DOCK10: variants seen among roughly 807,000 people sequenced by gnomAD.
DOCK10 encodes dedicator of cytokinesis 10.
Under a neutral mutation model 280.1 loss-of-function variants are expected in DOCK10, and 145 were observed. That is an observed-to-expected ratio of 0.52 (90% CI 0.45 to 0.59). The LOEUF (loss-of-function observed/expected upper bound fraction) is 0.59. Ranked by LOEUF, DOCK10 falls within the 20% of genes least tolerant of loss-of-function variation. The pLI is 0.00. For synonymous variants in DOCK10, 915 were observed against 942.2 expected (o/e 0.97, Z 0.53); for missense variants, 2,368 against 2,651.7 (o/e 0.89, Z 2.35).
chr2:224,868,876 C>T (rs1698091551), intron 11 of DOCK10, among the ~76,000 whole-genome samples: 1 of 152,068 alleles, frequency 6.6e-6, no homozygotes, highest in South Asian at 2.1e-4. Context: ...ACTCAAAACA[C>T]ATTGAAGGTC....
intron 3 of DOCK10, among the ~76,000 whole-genome samples, chr2:224,910,976 C>CTCTT (rs1553611360): frequency 0.013 from 1,915 of 149,198 alleles, 35 homozygotes; most frequent in African/African-American, 0.041. Context: ...TTCTCTCTCC[C>CTCTT]TTTTTTTTTT....
intron 1 of DOCK10, among the ~76,000 whole-genome samples, chr2:225,013,621 G>A (rs1689505490): frequency 1.3e-5 from 2 of 152,158 alleles, no homozygotes; most frequent in Non-Finnish European, 2.9e-5. Flanking sequence ...GCATTCCCTA[G>A]ATAATAACCT....
intron 1 of DOCK10, among the ~76,000 whole-genome samples, chr2:225,005,889 AAAT>A (rs922636199): frequency 6.6e-6 from 1 of 152,190 alleles, no homozygotes; most frequent in Non-Finnish European, 1.5e-5. Context: ...AAACCACCCA[AAAT>A]AATTTAGAGA....
Position 224,799,198 on chromosome 2 carries a change from A to G in DOCK10, c.4506+953T>C, listed in dbSNP as rs759970422. ...CCTTCCTCCACATCCCTAGGCAACC[A>G]CTGATCTGCTTTTTGTTCCTATAGT... On this transcript the variant is annotated intron_variant, in intron 41 of 55. Transcript: ENST00000258390. 3.1e-4 allele frequency among the ~76,000 whole-genome samples: 47 copies of G among 152,156 alleles called. 1 individual carries two copies. Among genetic ancestry groups the G allele is most frequent in the Admixed American group, 9.8e-4 (15 of 15,278 alleles).
chr2:224,804,288 A>G, intron 38 of DOCK10, 75 bp from the exon 39 acceptor site: 1 of 780,384 alleles, frequency 1.3e-6, no homozygotes, highest in Admixed American at 2.3e-5. Flanking sequence ...GCAACTGACA[A>G]AACGATTACT....
chr2:225,022,016 C>T (rs867440382), intron 1 of DOCK10, among the ~76,000 whole-genome samples: 1 of 152,068 alleles, frequency 6.6e-6, no homozygotes, highest in African/African-American at 2.4e-5. Context: ...TAGTAGGTGG[C>T]AAAAGAACAT....
intron 1 of DOCK10, among the ~76,000 whole-genome samples, chr2:225,017,372 T>C (rs1453788853): frequency 3.4e-5 from 5 of 147,228 alleles, no homozygotes; most frequent in Non-Finnish European, 4.5e-5. Flanking sequence ...AGGAGAGAAA[T>C]AGAAATAAAA....
rs185462460 is a variant in DOCK10, at chr2:224,804,586, C to T, written c.4166+208G>A. Among the ~76,000 whole-genome samples the T allele has an allele frequency of 2.6e-5, 4 of 151,570 alleles. No homozygotes were observed. In the East Asian group the frequency reaches 5.9e-4, roughly 22 times the overall value. On this transcript the variant is annotated intron_variant, in intron 38 of 55. Transcript: ENST00000258390. ...CAAAAATTTGTGTTTTTGTGCTTTT[C>T]TCCCTAGACAACATGAACTATTCCT...
chr2:224,768,408 A>G (rs1690201039), intron 55 of DOCK10, among the ~76,000 whole-genome samples: 1 of 152,120 alleles, frequency 6.6e-6, no homozygotes, highest in Non-Finnish European at 1.5e-5. Flanking sequence ...ATCTTTTTAT[A>G]GATCTATTTC....
Position 224,778,178 on chromosome 2 carries a change from A to G in DOCK10, c.5762T>C (p.Phe1921Ser), listed in dbSNP as rs1353263357. The change falls in exon 51 of 56, where the codon TTT (phenylalanine) becomes TCT (serine). Residue 1921 changes from phenylalanine to serine, a missense_variant. Around this residue, in one of 2 missense-constraint regions of DOCK10, gnomAD observed 1,159 missense variants for 1,400.8 expected, o/e 0.83. Transcript: ENST00000258390. ...QRLLKLYADK[F>S]GADNVKIIQD... ...GATTATCTTCACATTGTCTGCTCCA[A>G]ATTTATCTGCATAGAGCTTGAGTAA... 1.9e-6 allele frequency: 3 copies of G among 1,613,560 alleles called. No individual in the cohort carries two copies. The highest frequency in any genetic ancestry group is 1.7e-5 in the Admixed American group (1 of 59,992).
chr2:224,830,624 A>C lies in DOCK10; in HGVS notation c.2965-12T>G. 1 of 1,510,392 alleles carries C rather than the reference A, an allele frequency of 6.6e-7. No individual in the cohort carries two copies. The allele number at this position is 1,510,392 out of a possible 1,614,324, so 93.6% of individuals were successfully genotyped here. On this transcript the variant is annotated splice_polypyrimidine_tract_variant and intron_variant, in intron 26 of 55. Transcript: ENST00000258390. ...AAGAACCAGGAATGCTGTTGGGAAAAAAAAGGCAACGAGACATTTATTATC... is the reference window on the plus strand; with the variant it reads ...AAGAACCAGGAATGCTGTTGGGAAACAAAAGGCAACGAGACATTTATTATC...
chr2:224,803,742 G>A lies in DOCK10; in HGVS notation c.4268+370C>T, dbSNP rs192832999. Among the ~76,000 whole-genome samples, 329 of 152,144 alleles carry A rather than the reference G, an allele frequency of 2.2e-3. 2 individuals carry two copies. Among genetic ancestry groups the A allele is most frequent in the African/African-American group, 7.7e-3 (320 of 41,516 alleles). Reference sequence around the variant, plus strand: ...TAGGGAGACATGATTCCACATTTCCGTTTGTCACTGGAAGATTAGCTAGCA... The same window carrying A: ...TAGGGAGACATGATTCCACATTTCCATTTGTCACTGGAAGATTAGCTAGCA... On this transcript the variant is annotated intron_variant, in intron 39 of 55. Transcript: ENST00000258390.
rs112008703 is a variant in DOCK10, at chr2:225,042,050, C to T, written c.123+202G>A. 8.4e-4 allele frequency among the ~76,000 whole-genome samples: 128 copies of T among 152,332 alleles called. No homozygotes were observed. Among genetic ancestry groups the T allele is most frequent in the African/African-American group, 2.7e-3 (113 of 41,586 alleles). ...TGAGCGTCCCGCGTGCACAAACGCG[C>T]CCCCGGTCCTTACGCGTCGGTGGCG... On this transcript the variant is annotated intron_variant, in intron 1 of 55. Transcript: ENST00000258390. This position sits in a 1 kb window ranked among gnomAD's most constrained non-coding sequence, Gnocchi z 5.1.
At chr2:224,834,605 G>C (rs902641245) in intron 25 of DOCK10, among the ~76,000 whole-genome samples, 2 of 152,136 alleles carry the variant, frequency 1.3e-5, no homozygotes, top group African/African-American at 4.8e-5. Context: ...CAGGTGGCAT[G>C]GTAGCAATTC....
chr2:225,033,835 G>GC (rs1690150913), intron 1 of DOCK10, among the ~76,000 whole-genome samples: 1 of 152,152 alleles, frequency 6.6e-6, no homozygotes, highest in East Asian at 1.9e-4. Context: ...ACCCAACCAC[G>GC]CCCCCCAACC....
intron 2 of DOCK10, among the ~76,000 whole-genome samples, chr2:224,917,711 T>A (rs1701415835): frequency 6.6e-6 from 1 of 152,248 alleles, no homozygotes; most frequent in Non-Finnish European, 1.5e-5. Flanking sequence ...TGTTAATTAA[T>A]ATATAAAGTA....
chr2:224,905,544 C>T (rs1051272304), intron 3 of DOCK10, among the ~76,000 whole-genome samples: 3 of 152,278 alleles, frequency 2.0e-5, no homozygotes, highest in Admixed American at 6.5e-5. Flanking sequence ...CCACCGCGCC[C>T]GGCCTATGGA....
chr2:225,040,450 C>T (rs1245016184), intron 1 of DOCK10, among the ~76,000 whole-genome samples: 4 of 151,672 alleles, frequency 2.6e-5, no homozygotes, highest in Non-Finnish European at 5.9e-5. Flanking sequence ...AGACAGCGAG[C>T]TTATTCATTT....
At chr2:225,010,788 A>T (rs1689411400) in intron 1 of DOCK10, among the ~76,000 whole-genome samples, 1 of 151,844 alleles carries the variant, frequency 6.6e-6, no homozygotes, top group Non-Finnish European at 1.5e-5. Flanking sequence ...ACTAATGCAG[A>T]ATGAGAAACA....
Sources: gnomAD v4.1 joint callset for allele counts (sites outside exome capture counted in the v4.1 genomes callset) on GRCh38, gnomAD v4.1.1 for gene constraint, gnomAD v4.1.1 regional missense constraint, Gnocchi (gnomAD v3.1) non-coding constraint, MANE v1.5 for transcripts, NCBI Gene and HGNC (gene_info 2026-07-23, HGNC 2026-07-21) for gene names.